The following TTYH3 variants were observed in gnomAD, a reference collection of about 807,000 sequenced individuals.
TTYH3 encodes tweety family member 3, also known as protein tweety homolog 3.
In TTYH3, 23 loss-of-function variants were observed where a neutral mutation model predicts 68.2. The ratio of observed to expected loss-of-function variants is 0.34; its 90% confidence interval spans 0.24 to 0.48. TTYH3 has a LOEUF of 0.48. Among genes scored for constraint, TTYH3 ranks in the 20% least tolerant of loss-of-function variants. The pLI, the probability that TTYH3 is intolerant of heterozygous loss-of-function variation, is 0.99. For synonymous variants in TTYH3, 360 were observed against 332.8 expected (o/e 1.08, Z -0.89); for missense variants, 768 against 727.7 (o/e 1.06, Z -0.64).
At position 2,661,723 on chromosome 7, in the gene TTYH3, C is replaced by G; in HGVS notation, c.1556C>G (p.Ser519Cys). Residue 519 changes from serine to cysteine, a missense_variant, in exon 14 of 14, where the codon TCC becomes TGC. Ser to Cys is a moderately radical substitution (Grantham distance 112). Transcript: ENST00000258796. ...YLATSQPRPD[S>C]SGSH ...GCCACGAGCCAGCCTCGCCCTGACT[C>G]CAGCGGCAGCCACTAGACCGCGCCC... 1 of 1,610,434 alleles carries G rather than the reference C, an allele frequency of 6.2e-7. No homozygotes were observed. The highest frequency in any genetic ancestry group is 8.5e-7 in the Non-Finnish European group (1 of 1,179,218).
chr7:2,647,351 A>G, intron 3 of TTYH3, 67 bp from the exon 4 acceptor site: 2 of 1,490,950 alleles, frequency 1.3e-6, no homozygotes, highest in Non-Finnish European at 1.8e-6. Context: ...GGGGCTGTGC[A>G]GGAGGGGCCC....
At position 2,656,081 on chromosome 7, in the gene TTYH3, G is replaced by C. The variant is rs776111067; in HGVS notation, c.1021-11G>C. 3.9e-6 allele frequency: 6 copies of C among 1,533,218 alleles called. No individual in the cohort carries two copies. The South Asian group carries it at 6.0e-5, about 15-fold the overall frequency. The allele number at this position is 1,533,218 out of a possible 1,614,324, so 95.0% of individuals were successfully genotyped here. On this transcript the variant is annotated splice_polypyrimidine_tract_variant and intron_variant, in intron 9 of 13. Coordinates refer to ENST00000258796, the MANE Select transcript of TTYH3 (RefSeq NM_025250.3). ...ATGAAGTGCTGACCATCTGCGGTGCGTGCCCCCCAGGACCCCCTCCTCCGC... is the reference window on the plus strand; with the variant it reads ...ATGAAGTGCTGACCATCTGCGGTGCCTGCCCCCCAGGACCCCCTCCTCCGC...
intron 9 of TTYH3, among the ~76,000 whole-genome samples, chr7:2,654,859 A>T (rs549345858): frequency 6.6e-6 from 1 of 152,078 alleles, no homozygotes; most frequent in Admixed American, 6.5e-5. Context: ...ATCTCGGCTC[A>T]CCGCAACCTC....
chr7:2,660,170 C>A (rs1465317150), intron 13 of TTYH3: 1 of 1,164,366 alleles, frequency 8.6e-7, no homozygotes, highest in Admixed American at 3.8e-5. Context: ...GTTGGCAGGG[C>A]CAGCTCTGAG....
intron 1 of TTYH3, among the ~76,000 whole-genome samples, chr7:2,643,860 C>T (rs1474440941): frequency 1.3e-5 from 2 of 152,172 alleles, no homozygotes; most frequent in Non-Finnish European, 2.9e-5. Flanking sequence ...CCTGCTCTTC[C>T]AGTCCCCAGC....
rs1171687601 is a variant in TTYH3 at position 2,632,273 on chromosome 7, C to T, written c.118C>T (p.Gln40Ter). The change falls in exon 1 of 14, where the codon CAG (glutamine) becomes TAG (stop). Residue 40 changes from glutamine to a stop codon, truncating the protein, a stop_gained. Transcript: ENST00000258796. LOFTEE classifies it high-confidence loss of function. The part of the protein sequence containing the change: ...SQFRPEDTDY[Q>*]QALLLLGAAA... ...GTTCCGGCCCGAGGACACCGACTAC[C>T]AGCAGGTGACATGGGCCTCTCGGGG... is the stretch of plus-strand genomic sequence containing the variant. The T allele has an allele frequency of 6.3e-7, 1 of 1,580,364 alleles. No homozygotes were observed. The highest frequency in any genetic ancestry group is 8.6e-7 in the Non-Finnish European group (1 of 1,160,490).
chr7:2,640,846 G>C (rs915201831), intron 1 of TTYH3, among the ~76,000 whole-genome samples: 6 of 152,268 alleles, frequency 3.9e-5, no homozygotes, highest in Non-Finnish European at 7.3e-5. Flanking sequence ...TCCAAGCAGG[G>C]CTGGGTTGGG....
chr7:2,637,464 A>T (rs1437503350), intron 1 of TTYH3, among the ~76,000 whole-genome samples: 1 of 152,084 alleles, frequency 6.6e-6, no homozygotes, highest in African/African-American at 2.4e-5. Flanking sequence ...GGGCCGGAAG[A>T]CTGGGCACGG....
Position 2,647,035 on chromosome 7 carries a change from G to T in TTYH3, c.293+13G>T. The T allele has an allele frequency of 6.5e-7, 1 of 1,541,728 alleles. No individual in the cohort carries two copies. The highest frequency in any genetic ancestry group is 2.4e-5 in the East Asian group (1 of 41,596). On this transcript the variant is annotated intron_variant, in intron 2 of 13. Transcript: ENST00000258796. ...CGCTGGTGTGCAGGTGAGCGCGGTG[G>T]GGCGGGGACGGAGGGCGGGGCCAGA...
rs1786049311 is a variant in TTYH3, at chr7:2,648,018, T to C, written c.686T>C (p.Val229Ala). The C allele has an allele frequency of 1.2e-6, 2 of 1,611,014 alleles. No individual in the cohort carries two copies. The highest frequency in any genetic ancestry group is 2.7e-5 in the African/African-American group (2 of 75,036). The change falls in exon 5 of 14, where the codon GTT (valine) becomes GCT (alanine). Residue 229 changes from valine to alanine, a missense_variant. Coordinates refer to ENST00000258796, the MANE Select transcript of TTYH3 (RefSeq NM_025250.3). ...GTCATCATCTGCCTCCTGGTGCTGG[T>C]TGGCCTCATCCGCAGCTCCAAGGGC... ...LDVIICLLVL[V>A]GLIRSSKGIL... is the part of the protein sequence containing the mutation.
Position 2,651,393 on chromosome 7 carries a change from G to A in TTYH3, c.872-794G>A, listed in dbSNP as rs1301307515. Among the ~76,000 whole-genome samples, 66 of 152,186 alleles carry A rather than the reference G, an allele frequency of 4.3e-4. 1 individual carries two copies. The highest frequency in any genetic ancestry group is 4.3e-3 in the Admixed American group (66 of 15,288). ...AAGTCATCTGCCGCCCACTGACCTT[G>A]TCCTCGGGGGCGAGGGTGGAGGGGT... is the stretch of plus-strand genomic sequence containing the variant. On this transcript the variant is annotated intron_variant, in intron 7 of 13. Coordinates refer to ENST00000258796, the MANE Select transcript of TTYH3 (RefSeq NM_025250.3).
intron 13 of TTYH3, chr7:2,660,501 C>T (rs796686429): frequency 8.2e-5 from 81 of 985,396 alleles, no homozygotes; most frequent in African/African-American, 7.0e-4. Flanking sequence ...CACGGTGGTG[C>T]GGGTGCCTGC....
At chr7:2,635,298 G>A (rs932289477) in intron 1 of TTYH3, among the ~76,000 whole-genome samples, 3 of 152,338 alleles carry the variant, frequency 2.0e-5, no homozygotes, top group African/African-American at 7.2e-5. Flanking sequence ...CTTCTCTTCA[G>A]CTAGAGCATC....
intron 13 of TTYH3, chr7:2,660,549 C>A (rs975977222): frequency 3.0e-6 from 3 of 985,028 alleles, no homozygotes; most frequent in Non-Finnish European, 3.6e-6. Flanking sequence ...TGCCCCGTCC[C>A]GTCCAGTCCC....
intron 1 of TTYH3, among the ~76,000 whole-genome samples, chr7:2,633,783 C>T (rs959675788): frequency 2.0e-5 from 3 of 152,234 alleles, no homozygotes; most frequent in African/African-American, 4.8e-5. Context: ...GCGTGGGGGG[C>T]GGCTGTTTCC....
At chr7:2,658,141 C>T (rs1786387078) in intron 11 of TTYH3, 145 bp from the exon 12 acceptor site, 1 of 799,280 alleles carries the variant, frequency 1.3e-6, no homozygotes. Context: ...AGGTGACCTG[C>T]CCACAGTCCC....
At chr7:2,660,335 T>C in intron 13 of TTYH3, 1 of 985,186 alleles carries the variant, frequency 1.0e-6, no homozygotes, top group South Asian at 4.7e-5. Context: ...TTCTGTCACC[T>C]CCCAGTGAGG....
chr7:2,649,546 G>T (rs1258665132), intron 5 of TTYH3, 21 bp from the exon 6 acceptor site: 1 of 1,567,370 alleles, frequency 6.4e-7, no homozygotes, highest in Non-Finnish European at 8.6e-7. Flanking sequence ...GGGGGCTGCT[G>T]ACTGGCTGTC....
At position 2,649,656 on chromosome 7, in the gene TTYH3, G is replaced by T. The variant is rs894300550; in HGVS notation, c.795+17G>T. 6.3e-7 allele frequency: 1 copy of T among 1,592,598 alleles called. No homozygotes were observed. Among genetic ancestry groups the T allele is most frequent in the Non-Finnish European group, 8.5e-7 (1 of 1,174,446 alleles). On this transcript the variant is annotated intron_variant, in intron 6 of 13. Coordinates refer to ENST00000258796, the MANE Select transcript of TTYH3 (RefSeq NM_025250.3). ...GTGTCCGTGGTGAGTGGCAGAGGGG[G>T]TGAGGTCCCCGGCTGCTGGACCTGG... is the stretch of plus-strand genomic sequence containing the variant.
Sources: gnomAD v4.1 joint callset for allele counts (sites outside exome capture counted in the v4.1 genomes callset) on GRCh38, gnomAD v4.1.1 for gene constraint, MANE v1.5 for transcripts, NCBI Gene and HGNC (gene_info 2026-07-23, HGNC 2026-07-21) for gene names.